LDLRAD4: variants seen among roughly 807,000 people sequenced by gnomAD.
LDLRAD4 encodes low density lipoprotein receptor class A domain containing 4, also known as low-density lipoprotein receptor class A domain-containing protein 4.
Under a neutral mutation model 17.0 loss-of-function variants are expected in LDLRAD4, and 5 were observed. The observed-to-expected ratio is 0.29, with a 90% CI of 0.15 to 0.62. The LOEUF is 0.62. Ranked by LOEUF, LDLRAD4 falls within the 20% of genes least tolerant of loss-of-function variation. LDLRAD4 has a pLI of 0.84. For missense variants in LDLRAD4, 340 were observed against 424.7 expected (o/e 0.80, Z 1.75); for synonymous variants, 168 against 171.8 (o/e 0.98, Z 0.17).
intron 3 of LDLRAD4, among the ~76,000 whole-genome samples, chr18:13,532,218 G>C (rs2094139464): frequency 6.6e-6 from 1 of 152,306 alleles, no homozygotes; most frequent in East Asian, 1.9e-4. Context: ...TCCTGCAATT[G>C]CCTTCAGAGG....
At chr18:13,557,602 G>A (rs941917053) in intron 3 of LDLRAD4, among the ~76,000 whole-genome samples, 33 of 152,108 alleles carry the variant, frequency 2.2e-4, no homozygotes, top group Non-Finnish European at 3.4e-4. Flanking sequence ...GGGTTTCACC[G>A]TGTTAGCCAG....
chr18:13,470,427 G>A (rs193177040), intron 3 of LDLRAD4, among the ~76,000 whole-genome samples: 14 of 151,574 alleles, frequency 9.2e-5, no homozygotes, highest in Admixed American at 3.3e-4. Context: ...TCATCCTTCC[G>A]CCGGCACCTC....
chr18:13,350,481 G>A (rs2082975500), intron 1 of LDLRAD4, among the ~76,000 whole-genome samples: 1 of 152,072 alleles, frequency 6.6e-6, no homozygotes, highest in African/African-American at 2.4e-5. Flanking sequence ...GGGGGTATTT[G>A]TGTTTTTCTT....
intron 1 of LDLRAD4, among the ~76,000 whole-genome samples, chr18:13,254,534 C>A (rs1160738728): frequency 6.6e-6 from 1 of 152,218 alleles, no homozygotes; most frequent in Non-Finnish European, 1.5e-5. Flanking sequence ...GTGCCAGCGA[C>A]CCTCCATGCT....
chr18:13,228,150 C>A (rs531803742), intron 1 of LDLRAD4, among the ~76,000 whole-genome samples: 1 of 152,270 alleles, frequency 6.6e-6, no homozygotes, highest in Non-Finnish European at 1.5e-5. Flanking sequence ...AGTGCTGAGG[C>A]CTTGGAGATG....
chr18:13,623,085 A>G (rs2040804466), intron 4 of LDLRAD4, among the ~76,000 whole-genome samples: 1 of 152,176 alleles, frequency 6.6e-6, no homozygotes, highest in African/African-American at 2.4e-5. Flanking sequence ...TGTGTCCTGA[A>G]CACCAGCACA....
chr18:13,524,078 A>G (rs2093993264), intron 3 of LDLRAD4, among the ~76,000 whole-genome samples: 1 of 152,128 alleles, frequency 6.6e-6, no homozygotes, highest in Admixed American at 6.5e-5. Flanking sequence ...TCTCTTCACA[A>G]AGGCATCTTT....
At position 13,440,252 on chromosome 18, in the gene LDLRAD4, C is replaced by T. The variant is rs1474297062; in HGVS notation, c.181+1868C>T. Among the ~76,000 whole-genome samples, 1 of 152,176 alleles carries T rather than the reference C, an allele frequency of 6.6e-6. No homozygotes were observed. The highest frequency in any genetic ancestry group is 1.5e-5 in the Non-Finnish European group (1 of 68,014). On this transcript the variant is annotated intron_variant, in intron 3 of 5. Coordinates refer to ENST00000359446, the Ensembl canonical transcript of LDLRAD4. This position sits in a 1 kb window ranked among gnomAD's most constrained non-coding sequence, Gnocchi z 4.4. ...CTTTTGCCGAGGGCTTCCTTGTTTTCAACCCTCCTTCCTACCCTTCCCTCC... is the reference window on the plus strand; with the variant it reads ...CTTTTGCCGAGGGCTTCCTTGTTTTTAACCCTCCTTCCTACCCTTCCCTCC...
At chr18:13,578,986 C>T (rs554454811) in intron 3 of LDLRAD4, among the ~76,000 whole-genome samples, 1 of 151,438 alleles carries the variant, frequency 6.6e-6, no homozygotes, top group African/African-American at 2.4e-5. Flanking sequence ...GTCAGGAGAT[C>T]GAGACCATCC....
At chr18:13,431,865 AC>A (rs993858782) in intron 2 of LDLRAD4, among the ~76,000 whole-genome samples, 7 of 152,202 alleles carry the variant, frequency 4.6e-5, no homozygotes, top group African/African-American at 1.7e-4. Flanking sequence ...ATTCATTAAC[AC>A]AGAATATAAA....
intron 1 of LDLRAD4, among the ~76,000 whole-genome samples, chr18:13,237,833 A>C (rs560854489): frequency 3.9e-5 from 6 of 152,358 alleles, no homozygotes; most frequent in African/African-American, 1.4e-4. Context: ...TGTAGTGATC[A>C]GTCCCATTTT....
chr18:13,561,690 T>A (rs2094542636), intron 3 of LDLRAD4: 2 of 152,312 alleles, frequency 1.3e-5, no homozygotes, highest in Admixed American at 1.3e-4. Context: ...CCGAAGCGTG[T>A]CTTGACTCAG....
intron 1 of LDLRAD4, among the ~76,000 whole-genome samples, chr18:13,333,493 C>T (rs149036863): frequency 8.5e-5 from 13 of 152,204 alleles, no homozygotes; most frequent in South Asian, 4.2e-4. Flanking sequence ...GTTGCCATTC[C>T]GCAGATCATC....
intron 3 of LDLRAD4, among the ~76,000 whole-genome samples, chr18:13,572,654 C>A (rs73413598): frequency 6.6e-6 from 1 of 152,238 alleles, no homozygotes; most frequent in African/African-American, 2.4e-5. Context: ...CAATTCCCAT[C>A]ATGCTTCTGA....
In LDLRAD4 at chr18:13,281,736, A is replaced by G. The variant is rs546988232; in HGVS notation, c.-383+3548A>G. On this transcript the variant is annotated intron_variant, in intron 1 of 5. Coordinates refer to ENST00000359446, the Ensembl canonical transcript of LDLRAD4. ...AAGAGTTTCTGAGTTCTTCAGCCTTATTTGGGACCCCTCTCTGTGTCTCCC... is the reference window on the plus strand; with the variant it reads ...AAGAGTTTCTGAGTTCTTCAGCCTTGTTTGGGACCCCTCTCTGTGTCTCCC... Among the ~76,000 whole-genome samples the G allele has an allele frequency of 3.9e-5, 6 of 152,112 alleles. No individual in the cohort carries two copies. The East Asian group carries it at 1.2e-3, about 30-fold the overall frequency.
intron 3 of LDLRAD4, among the ~76,000 whole-genome samples, chr18:13,529,676 AAAG>A (rs1278879467): frequency 3.0e-4 from 45 of 152,374 alleles, no homozygotes; most frequent in African/African-American, 9.1e-4. Flanking sequence ...AAAACACTGA[AAAG>A]AAAATATAAC....
intron 1 of LDLRAD4, among the ~76,000 whole-genome samples, chr18:13,313,579 C>T (rs79355310): frequency 4.6e-5 from 7 of 152,234 alleles, no homozygotes; most frequent in Admixed American, 1.3e-4. Flanking sequence ...TGCCTTCCCC[C>T]GCCACCGTCC....
intron 1 of LDLRAD4, among the ~76,000 whole-genome samples, chr18:13,235,491 T>G (rs1458247551): frequency 6.6e-6 from 1 of 152,266 alleles, no homozygotes; most frequent in East Asian, 1.9e-4. Flanking sequence ...CCTCCAGGCA[T>G]CTGACTGTGC....
intron 1 of LDLRAD4, among the ~76,000 whole-genome samples, chr18:13,360,882 C>T (rs192978552): frequency 4.0e-4 from 61 of 152,318 alleles, no homozygotes; most frequent in Admixed American, 3.9e-3. Flanking sequence ...ATTTTTCTGT[C>T]CCTTTTCTCC....
Sources: gnomAD v4.1 joint callset for allele counts (sites outside exome capture counted in the v4.1 genomes callset) on GRCh38, gnomAD v4.1.1 for gene constraint, Gnocchi (gnomAD v3.1) non-coding constraint, MANE v1.5 for transcripts, NCBI Gene and HGNC (gene_info 2026-07-23, HGNC 2026-07-21) for gene names.